The following KRT26 variants were observed in gnomAD, a reference collection of about 807,000 sequenced individuals.
The protein encoded by KRT26 is keratin, type I cytoskeletal 26.
In KRT26, 45 loss-of-function variants were observed where a neutral mutation model predicts 46.1. That is an observed-to-expected ratio of 0.98 (90% CI 0.77 to 1.25). The LOEUF is 1.25. Among genes scored for constraint, KRT26 ranks in the 50% most tolerant of loss-of-function variants. The probability of loss-of-function intolerance (pLI) is 0.00; values close to 1 mark genes in which losing one functional copy is unlikely to be tolerated. For synonymous variants in KRT26, 191 were observed against 209.9 expected (o/e 0.91, Z 0.78); for missense variants, 582 against 560.1 (o/e 1.04, Z -0.39).
intron 7 of KRT26, 91 bp downstream of exon 7, chr17:40,767,495 C>A: frequency 2.7e-6 from 2 of 733,076 alleles, no homozygotes; most frequent in Non-Finnish European, 2.2e-6. Context: ...AACTTAAAAA[C>A]AAATTTTATT....
chr17:40,766,332 G>T, exon 8 of KRT26: 1 of 429,034 alleles, frequency 2.3e-6, no homozygotes, highest in Non-Finnish European at 4.0e-6. Context: ...CTCTGGAAAA[G>T]GATTACATGC....
At chr17:40,771,977 G>A (rs1410261946) in exon 1 of KRT26, 2 of 1,614,136 alleles carry the variant, frequency 1.2e-6, no homozygotes, top group East Asian at 4.5e-5. Flanking sequence ...GCCCTCAAGA[G>A]TACAAGAAAA....
At chr17:40,771,581 A>G (rs2038221344) in intron 1 of KRT26, 92 bp downstream of exon 1, 3 of 1,159,318 alleles carry the variant, frequency 2.6e-6, no homozygotes, top group South Asian at 3.1e-5. Context: ...CTTACATCAC[A>G]TAAATTTGTT....
chr17:40,771,827 G>T (rs765423845), exon 1 of KRT26: 1 of 1,614,070 alleles, frequency 6.2e-7, no homozygotes, highest in Non-Finnish European at 8.5e-7. Flanking sequence ...GTCCAGGTAG[G>T]ATGCCAGGCG....
At chr17:40,771,098 C>T in intron 2 of KRT26, 56 bp downstream of exon 2, 1 of 1,020,822 alleles carries the variant, frequency 9.8e-7, no homozygotes, top group South Asian at 1.7e-5. Context: ...ATTCCTTAAT[C>T]CAATTGTAAT....
chr17:40,770,146 C>A, intron 3 of KRT26, 24 bp from the exon 4 acceptor site: 4 of 1,614,024 alleles, frequency 2.5e-6, no homozygotes, highest in Non-Finnish European at 3.4e-6. Flanking sequence ...CGGTATTCAT[C>A]CTCAGTGGAG....
chr17:40,770,439 G>T (rs896118098), intron 2 of KRT26, 30 bp from the exon 3 acceptor site: 16 of 1,550,450 alleles, frequency 1.0e-5, no homozygotes, highest in Admixed American at 2.0e-5. Flanking sequence ...CCTGAGAGTT[G>T]TCATCGTAGG....
In KRT26 at chr17:40,770,024, C is replaced by T. The variant is rs1188867230; in HGVS notation, c.780G>A (p.Arg260=). 1.9e-6 allele frequency: 3 copies of T among 1,614,162 alleles called. No individual in the cohort carries two copies. In the Admixed American group the frequency reaches 5.0e-5, roughly 27 times the overall value. ...GCTCAGCCAAGTCCTCATACTCAGC[C>T]CTCATGTTGTTCAACAGGACAGTTA... Residue 260 remains arginine (R), a synonymous_variant, in exon 4 of 8, where the codon AGG becomes AGA. Transcript: ENST00000335552.
At chr17:40,769,646 A>T in intron 5 of KRT26, 108 bp downstream of exon 5, 1 of 1,116,954 alleles carries the variant, frequency 9.0e-7, no homozygotes, top group Non-Finnish European at 1.3e-6. Flanking sequence ...TTATACTTTT[A>T]GTCATATGTA....
chr17:40,766,698 A>AT (rs2038175381), intron 7 of KRT26, 32 bp from the exon 8 acceptor site: 2 of 1,519,626 alleles, frequency 1.3e-6, no homozygotes, highest in Non-Finnish European at 1.8e-6. Context: ...ATTAGTGGTC[A>AT]TTTTTTAACA....
rs1302297615 is a variant in KRT26, at chr17:40,768,957, T to C, written c.1109A>G (p.Tyr370Cys). 4.3e-6 allele frequency: 7 copies of C among 1,612,276 alleles called. No homozygotes were observed. The African/African-American group carries it at 5.3e-5, about 12-fold the overall frequency. The change falls in exon 6 of 8, where the codon TAT becomes TGT. Residue 370 changes from tyrosine to cysteine, a missense_variant. Tyr to Cys is a radical substitution (Grantham distance 194, BLOSUM62 -2). Transcript: ENST00000335552. ...TATTTTTACATCAAGAAGCTGTTCATACTCCAGCTTCTGGCCTTCTGTTTC... is the reference window on the plus strand; with the variant it reads ...TATTTTTACATCAAGAAGCTGTTCACACTCCAGCTTCTGGCCTTCTGTTTC...
chr17:40,769,173 T>C, intron 5 of KRT26, 77 bp from the exon 6 acceptor site: 1 of 927,698 alleles, frequency 1.1e-6, no homozygotes, highest in South Asian at 1.7e-5. Flanking sequence ...TTATTTATTT[T>C]TTTGAGACTG....
intron 5 of KRT26, 79 bp from the exon 6 acceptor site, chr17:40,769,175 T>C: frequency 1.1e-6 from 1 of 926,280 alleles, no homozygotes. Context: ...ATTTATTTTT[T>C]TGAGACTGTG....
chr17:40,771,040 T>C, intron 2 of KRT26, 114 bp downstream of exon 2: 1 of 550,222 alleles, frequency 1.8e-6, no homozygotes, highest in Non-Finnish European at 3.2e-6. Flanking sequence ...TCTTTATTGA[T>C]CTAGTCTGGC....
exon 6 of KRT26, chr17:40,769,006 C>G (rs1413263544): frequency 6.2e-7 from 1 of 1,613,830 alleles, no homozygotes; most frequent in Non-Finnish European, 8.5e-7. Context: ...TGCAGTTGTT[C>G]CTCCATCACC....
exon 1 of KRT26, chr17:40,772,030 G>A (rs2038226937): frequency 5.6e-6 from 9 of 1,613,974 alleles, no homozygotes; most frequent in South Asian, 1.1e-5. Context: ...TCCCAGCCAC[G>A]AAGCCTGTTC....
intron 2 of KRT26, 86 bp from the exon 3 acceptor site, chr17:40,770,495 T>C (rs1383420327): frequency 1.8e-6 from 2 of 1,103,622 alleles, no homozygotes; most frequent in African/African-American, 1.6e-5. Context: ...TGCTGAAAGA[T>C]ATGATGTTCT....
At chr17:40,770,497 T>C in intron 2 of KRT26, 88 bp from the exon 3 acceptor site, 1 of 1,080,370 alleles carries the variant, frequency 9.3e-7, no homozygotes, top group Non-Finnish European at 1.3e-6. Flanking sequence ...CTGAAAGATA[T>C]GATGTTCTGT....
In KRT26 at chr17:40,768,988, G is replaced by A. The variant is rs764948105; in HGVS notation, c.1078C>T (p.Arg360Ter). 25 of 1,613,080 alleles carry A rather than the reference G, an allele frequency of 1.5e-5. No individual in the cohort carries two copies. The highest frequency in any genetic ancestry group is 6.6e-5 in the South Asian group (6 of 91,022). ...AGCTTCTGGCCTTCTGTTTCTGTTC[G>A]AATCTGTTGCAGTTGTTCCTCCATC... The change falls in exon 6 of 8, where the codon CGA becomes TGA. Residue 360 changes from arginine (R) to a stop codon, truncating the protein, a stop_gained. Coordinates refer to ENST00000335552, the Ensembl canonical transcript of KRT26. LOFTEE classifies it high-confidence loss of function.
Sources: allele counts gnomAD v4.1 joint callset, GRCh38; gene constraint gnomAD v4.1.1; transcripts MANE v1.5; gene names NCBI Gene and HGNC (gene_info 2026-07-23, HGNC 2026-07-21).